Variants in RNF130 observed in about 807,000 individuals in gnomAD.
RNF130 encodes the protein E3 ubiquitin-protein ligase RNF130.
In RNF130, 21 loss-of-function variants were observed where a neutral mutation model predicts 44.6. The observed-to-expected ratio is 0.47, with a 90% CI of 0.33 to 0.68. The LOEUF (loss-of-function observed/expected upper bound fraction) is 0.68, where lower values mean the gene tolerates loss of function less well. Among genes scored for constraint, RNF130 ranks in the 30% least tolerant of loss-of-function variants. RNF130 has a pLI of 0.02. For synonymous variants in RNF130, 214 were observed against 210.4 expected, an observed-to-expected ratio of 1.02 and a Z score of -0.15; for missense variants, 479 against 560.6, an observed-to-expected ratio of 0.85 and a Z score of 1.47.
At chr5:179,945,780 G>A (rs1353466863) in intron 7 of RNF130, among the ~76,000 whole-genome samples, 5 of 152,130 alleles carry the variant, frequency 3.3e-5, no homozygotes, top group African/African-American at 9.7e-5. Flanking sequence ...ACTACGCGCC[G>A]CTGCAGGAAA....
At chr5:179,970,568 GGAAA>G (rs1373607814) in intron 5 of RNF130, 62 bp from the exon 6 acceptor site, 14 of 1,239,530 alleles carry the variant, frequency 1.1e-5, no homozygotes, top group Admixed American at 2.1e-5. Flanking sequence ...AGGCCAAAAT[GGAAA>G]GAAAGGGAAT....
At chr5:180,035,858 T>C (rs538674459) in intron 2 of RNF130, among the ~76,000 whole-genome samples, 132 of 152,352 alleles carry the variant, frequency 8.7e-4, no homozygotes, top group Middle Eastern at 3.4e-3. Flanking sequence ...GGCTCTTTTA[T>C]AGAATTTTTA....
At chr5:180,061,902 A>G (rs1764994311) in intron 1 of RNF130, among the ~76,000 whole-genome samples, 1 of 152,160 alleles carries the variant, frequency 6.6e-6, no homozygotes, top group Non-Finnish European at 1.5e-5. Flanking sequence ...AAACAGCACA[A>G]ATTTGTTTCA....
chr5:179,971,088 G>A (rs1582151470), intron 5 of RNF130, among the ~76,000 whole-genome samples: 4 of 152,258 alleles, frequency 2.6e-5, no homozygotes, highest in African/African-American at 9.6e-5. Context: ...AAATGTTAAC[G>A]GGGGAGGATG....
intron 1 of RNF130, among the ~76,000 whole-genome samples, chr5:180,064,512 T>C (rs1347269680): frequency 6.6e-6 from 1 of 152,262 alleles, no homozygotes; most frequent in Non-Finnish European, 1.5e-5. Context: ...CCATCATTTC[T>C]TGGTTTGCCA....
intron 1 of RNF130, among the ~76,000 whole-genome samples, chr5:180,041,455 T>C (rs1764415937): frequency 6.6e-6 from 1 of 152,214 alleles, no homozygotes; most frequent in South Asian, 2.1e-4. Context: ...TACATTTAAA[T>C]CTGTCAGAGT....
At chr5:180,012,465 C>G (rs1010376958) in intron 3 of RNF130, among the ~76,000 whole-genome samples, 1 of 152,082 alleles carries the variant, frequency 6.6e-6, no homozygotes, top group Non-Finnish European at 1.5e-5. Flanking sequence ...GCCCTCACAC[C>G]GGGGAAGCAC....
chr5:179,971,791 T>C (rs143897464), intron 5 of RNF130, among the ~76,000 whole-genome samples: 25 of 152,350 alleles, frequency 1.6e-4, no homozygotes, highest in Admixed American at 5.2e-4. Flanking sequence ...TTTTGATTTA[T>C]AAAAAGAGGT....
In RNF130 at chr5:180,032,928, A is replaced by G. The variant is rs146070063; in HGVS notation, c.442+7525T>C. On this transcript the variant is annotated intron_variant, in intron 2 of 8. Transcript: ENST00000521389. ...TTTTAAGATAACTGCCACCCTGACA[A>G]TACTGAACAATGGAATCAAAGGATA... Among the ~76,000 whole-genome samples, 807 of 152,284 alleles carry G rather than the reference A, an allele frequency of 5.3e-3. 9 individuals carry two copies. Among genetic ancestry groups the G allele is most frequent in the African/African-American group, 0.018 (753 of 41,546 alleles).
chr5:179,948,112 A>G (rs1161876583), intron 7 of RNF130, among the ~76,000 whole-genome samples: 1 of 152,236 alleles, frequency 6.6e-6, no homozygotes, highest in African/African-American at 2.4e-5. Flanking sequence ...GCCCCTTAGC[A>G]GGTGAGTGAA....
chr5:179,970,604 C>T lies in RNF130; in HGVS notation c.849-98G>A, dbSNP rs182809011. 3.1e-3 allele frequency: 2,675 copies of T among 868,134 alleles called. 17 individuals are homozygous for T. The highest frequency in any genetic ancestry group is 2.9e-3 in the Non-Finnish European group (1,574 of 552,244). 53.8% of individuals were successfully genotyped at this position (868,134 alleles called of 1,614,324 possible). On this transcript the variant is annotated intron_variant, in intron 5 of 8. Transcript: ENST00000521389. The stretch of plus-strand genomic sequence containing the variant: ...GAATTTTTAGTTAAGTTTTCTTTTC[C>T]CCCTTTCAGGACATATTTTAAGCCC...
intron 2 of RNF130, among the ~76,000 whole-genome samples, chr5:180,035,116 TTA>T (rs1446412965): frequency 2.6e-5 from 4 of 152,196 alleles, no homozygotes; most frequent in Non-Finnish European, 5.9e-5. Context: ...TTCCTCTTTT[TTA>T]TAGTTTCCAA....
chr5:179,981,367 G>A lies in RNF130; in HGVS notation c.694-1167C>T, dbSNP rs77120209. ...GGAAAAGGCAGATGCCGCTCCTGAC[G>A]GAGCAAGGCGGGGACCAAAACAACG... On this transcript the variant is annotated intron_variant, in intron 3 of 8. Coordinates refer to ENST00000521389, the MANE Select transcript of RNF130 (RefSeq NM_018434.6). 1.9e-3 allele frequency among the ~76,000 whole-genome samples: 286 copies of A among 152,280 alleles called. 1 individual carries two copies. The highest frequency in any genetic ancestry group is 6.3e-3 in the African/African-American group (260 of 41,546).
chr5:180,010,601 C>G (rs529367943), intron 3 of RNF130, among the ~76,000 whole-genome samples: 1 of 152,154 alleles, frequency 6.6e-6, no homozygotes. Flanking sequence ...CTCAAGTGAT[C>G]CACCTGCCTT....
At chr5:179,916,319 A>C (rs1046129750) in exon 8 of RNF130, 1 of 152,158 alleles carries the variant, frequency 6.6e-6, no homozygotes, top group Non-Finnish European at 1.5e-5. Context: ...GGCTGCAGCG[A>C]GCCATGACTG....
intron 3 of RNF130, among the ~76,000 whole-genome samples, chr5:179,990,756 A>G (rs1179425051): frequency 1.3e-5 from 2 of 152,254 alleles, no homozygotes; most frequent in African/African-American, 4.8e-5. Flanking sequence ...CAGAGGGCTC[A>G]CACTCTTGTC....
At chr5:180,051,748 A>G (rs1224126600) in intron 1 of RNF130, among the ~76,000 whole-genome samples, 1 of 152,210 alleles carries the variant, frequency 6.6e-6, no homozygotes, top group African/African-American at 2.4e-5. Flanking sequence ...GAACGCAAAT[A>G]TATCTGTTGG....
intron 2 of RNF130, among the ~76,000 whole-genome samples, chr5:180,032,458 A>G (rs1240672427): frequency 6.6e-6 from 1 of 151,846 alleles, no homozygotes; most frequent in Non-Finnish European, 1.5e-5. Flanking sequence ...TGCAGCCTCA[A>G]CCTCCTGGGC....
rs552521979 is a variant in RNF130, at chr5:179,930,218, C to T, written c.1151-9792G>A. 9.1e-4 allele frequency among the ~76,000 whole-genome samples: 138 copies of T among 152,122 alleles called. 1 individual carries two copies. The highest frequency in any genetic ancestry group is 3.0e-3 in the African/African-American group (123 of 41,516). On this transcript the variant is annotated intron_variant, in intron 7 of 7. Coordinates refer to the RNF130 transcript ENST00000522208. Reference sequence around the variant, plus strand: ...GATTACAGGCATCTGCCACCACACCCGGCTAATTTTTGTATTTTTAGTAGA... The same window carrying T: ...GATTACAGGCATCTGCCACCACACCTGGCTAATTTTTGTATTTTTAGTAGA...
Sources: allele counts gnomAD v4.1 joint callset (sites outside exome capture counted in the v4.1 genomes callset), GRCh38; gene constraint gnomAD v4.1.1; transcripts MANE v1.5; gene names NCBI Gene and HGNC (gene_info 2026-07-23, HGNC 2026-07-21).